Variants in ZNF83 observed in about 807,000 individuals in gnomAD.
ZNF83 encodes the protein zinc finger protein 83, also known as zinc finger protein 816B.
For missense variants in ZNF83, 552 were observed against 629.9 expected (o/e 0.88, Z 1.32); for synonymous variants, 209 against 213.0 (o/e 0.98, Z 0.17).
intron 1 of ZNF83, among the ~76,000 whole-genome samples, chr19:52,662,515 A>G (rs972071835): frequency 6.6e-6 from 1 of 152,196 alleles, no homozygotes; most frequent in Non-Finnish European, 1.5e-5. Flanking sequence ...GGAGAGGTTC[A>G]AGATGATCTG....
intron 1 of ZNF83, among the ~76,000 whole-genome samples, chr19:52,680,908 G>A (rs966548583): frequency 2.6e-4 from 40 of 151,432 alleles, no homozygotes; most frequent in African/African-American, 9.2e-4. Context: ...CACCGCGCCC[G>A]GCCTCCACAA....
At chr19:52,626,852 C>A (rs1227495865) in intron 2 of ZNF83, among the ~76,000 whole-genome samples, 1 of 152,162 alleles carries the variant, frequency 6.6e-6, no homozygotes, top group Non-Finnish European at 1.5e-5. Flanking sequence ...CAACACTTCA[C>A]TATTTTGTTT....
chr19:52,663,357 G>A (rs1028365379), intron 1 of ZNF83, among the ~76,000 whole-genome samples: 2 of 152,156 alleles, frequency 1.3e-5, no homozygotes, highest in African/African-American at 2.4e-5. Flanking sequence ...TGAAAGAGAG[G>A]CAGTGGTAGA....
intron 1 of ZNF83, among the ~76,000 whole-genome samples, chr19:52,681,280 C>CCAAAAA (rs2061913966): frequency 1.3e-5 from 1 of 75,440 alleles, no homozygotes; most frequent in African/African-American, 4.7e-5. Flanking sequence ...GAGACTTTCT[C>CCAAAAA]AAAAAAAAAA....
chr19:52,634,359 G>C (rs188908664), intron 2 of ZNF83, among the ~76,000 whole-genome samples: 15 of 151,090 alleles, frequency 9.9e-5, no homozygotes, highest in Admixed American at 7.3e-4. Context: ...TTCTCCCATA[G>C]TTGAGAAAAA....
intron 1 of ZNF83, among the ~76,000 whole-genome samples, chr19:52,673,368 TG>T (rs2061752733): frequency 6.6e-6 from 1 of 152,102 alleles, no homozygotes; most frequent in East Asian, 1.9e-4. Flanking sequence ...CCGAGGGTGA[TG>T]GCGCATGCCT....
chr19:52,687,181 C>CAA (rs755729915), intron 1 of ZNF83, among the ~76,000 whole-genome samples: 4 of 104,352 alleles, frequency 3.8e-5, no homozygotes, highest in Admixed American at 2.2e-4. Context: ...AACTCCATCT[C>CAA]AAAAAAAAAA....
chr19:52,685,978 A>T (rs2062009014), intron 1 of ZNF83, among the ~76,000 whole-genome samples: 1 of 152,078 alleles, frequency 6.6e-6, no homozygotes, highest in East Asian at 1.9e-4. Flanking sequence ...CCATCTTTCA[A>T]CATTTGTCCA....
chr19:52,643,014 A>G (rs2061327827), upstream of ZNF83, among the ~76,000 whole-genome samples: 1 of 152,032 alleles, frequency 6.6e-6, no homozygotes, highest in Non-Finnish European at 1.5e-5. Context: ...AAAAGTAGCC[A>G]GGCTTGGTGG....
At position 52,665,749 on chromosome 19, in the gene ZNF83, T is replaced by G. The variant is rs575797900; in HGVS notation, c.-282-4906A>C. On this transcript the variant is annotated intron_variant, in intron 1 of 5. Transcript: ENST00000594682. Reference sequence around the variant, plus strand: ...GCCTGTGCGGTCTAATCCTAGCCGATAGGGGAATGACACAGCAGCAGGGGC... The same window carrying G: ...GCCTGTGCGGTCTAATCCTAGCCGAGAGGGGAATGACACAGCAGCAGGGGC... Among the ~76,000 whole-genome samples the G allele has an allele frequency of 1.3e-5, 2 of 152,124 alleles. 1 individual carries two copies. Among genetic ancestry groups the G allele is most frequent in the South Asian group, 4.1e-4 (2 of 4,822 alleles).
intron 1 of ZNF83, among the ~76,000 whole-genome samples, chr19:52,684,779 A>G (rs1183467438): frequency 1.3e-5 from 2 of 151,852 alleles, no homozygotes; most frequent in East Asian, 3.9e-4. Context: ...GAGACAGAAA[A>G]GGTTTTGGTG....
intron 3 of ZNF83, among the ~76,000 whole-genome samples, chr19:52,645,855 C>G (rs941313063): frequency 1.3e-5 from 2 of 149,452 alleles, no homozygotes; most frequent in East Asian, 2.0e-4. Flanking sequence ...GAAGAGGAAA[C>G]AGAAAAAAAA....
At chr19:52,655,608 A>G in exon 3 of ZNF83, 1 of 1,505,782 alleles carries the variant, frequency 6.6e-7, no homozygotes, top group Non-Finnish European at 9.2e-7. Flanking sequence ...GGCCCTGTAT[A>G]AAGCCCTCTG....
chr19:52,653,583 A>G (rs1482256483), intron 3 of ZNF83, among the ~76,000 whole-genome samples: 1 of 152,060 alleles, frequency 6.6e-6, no homozygotes, highest in Non-Finnish European at 1.5e-5. Context: ...TCTCTCCAGT[A>G]TGACGTCTAC....
intron 2 of ZNF83, among the ~76,000 whole-genome samples, chr19:52,632,077 C>A (rs1315942429): frequency 6.6e-6 from 1 of 152,184 alleles, no homozygotes; most frequent in Non-Finnish European, 1.5e-5. Flanking sequence ...AGGTAGAGGC[C>A]TTTCCTACAG....
exon 1 of ZNF83, chr19:52,690,451 TGTGACC>T (rs1305841687): frequency 1.1e-5 from 2 of 186,470 alleles, no homozygotes; most frequent in African/African-American, 4.8e-5. Context: ...ACCGCCGCGG[TGTGACC>T]GTCACTCCAC....
chr19:52,685,255 T>C lies in ZNF83; in HGVS notation c.-283+5188A>G, dbSNP rs1259947080. 3.3e-5 allele frequency among the ~76,000 whole-genome samples: 5 copies of C among 152,230 alleles called. No homozygotes were observed. The East Asian group carries it at 9.7e-4, about 29-fold the overall frequency. On this transcript the variant is annotated intron_variant, in intron 1 of 5. Coordinates refer to the ZNF83 transcript ENST00000594682. ...ATCTCCAAGTTGCAGGGACGCTCAC[T>C]GGGCTCAGAGCGGGGACATTTTCAC...
intron 2 of ZNF83, chr19:52,617,830 A>G (rs1014331818): frequency 3.9e-5 from 6 of 152,526 alleles, no homozygotes; most frequent in African/African-American, 1.2e-4. Context: ...GGTTAGAAAG[A>G]GACTCCTGCT....
chr19:52,663,219 G>A (rs142601229), intron 1 of ZNF83, among the ~76,000 whole-genome samples: 2 of 152,066 alleles, frequency 1.3e-5, no homozygotes, highest in Non-Finnish European at 2.9e-5. Flanking sequence ...CAAAAGAAAT[G>A]TCTCTTTCAA....
Sources: gnomAD v4.1 joint callset for allele counts (sites outside exome capture counted in the v4.1 genomes callset) on GRCh38, gnomAD v4.1.1 for gene constraint, MANE v1.5 for transcripts, NCBI Gene and HGNC (gene_info 2026-07-23, HGNC 2026-07-21) for gene names.